The following ZNF329 variants were observed in gnomAD, a reference collection of about 807,000 sequenced individuals.
ZNF329 encodes the protein zinc finger protein 329.
In ZNF329, 15 loss-of-function variants were observed where a neutral mutation model predicts 26.6. The observed-to-expected ratio is 0.56, with a 90% confidence interval of 0.38 to 0.87. ZNF329 has a LOEUF of 0.87. ZNF329 is among the 40% of genes least tolerant of loss of function. The pLI, the probability that ZNF329 is intolerant of heterozygous loss-of-function variation, is 0.00. For missense variants in ZNF329, 651 were observed against 651.9 expected (o/e 1.00, Z 0.02); for synonymous variants, 239 against 233.5 (o/e 1.02, Z -0.21).
chr19:58,129,685 C>A (rs561778405), intron 3 of ZNF329, among the ~76,000 whole-genome samples, 174 bp from the exon 4 acceptor site: 1 of 152,134 alleles, frequency 6.6e-6, no homozygotes, highest in Non-Finnish European at 1.5e-5. Flanking sequence ...GAACCAAGAA[C>A]AGATTCAAAA....
rs1422860366 is a variant in ZNF329 at position 58,130,305 on chromosome 19, AGAGT to A, written c.-8-798_-8-795del. Among the ~76,000 whole-genome samples the A allele has an allele frequency of 3.9e-5, 6 of 152,208 alleles. No individual in the cohort carries two copies. In the East Asian group the frequency reaches 7.7e-4, roughly 20 times the overall value. ...ACCACTGCACTCCAGCCTACGCGGC[AGAGT>A]GAGACTCCATCTCAAAAAACAAAAC... On this transcript the variant is annotated intron_variant, in intron 3 of 3. Coordinates refer to ENST00000598312, the MANE Select transcript of ZNF329 (RefSeq NM_024620.4).
In ZNF329 at chr19:58,143,136, C is replaced by T. The variant is rs1489515564; in HGVS notation, c.-145G>A. On this transcript the variant is annotated 5_prime_UTR_variant, in exon 2 of 4. Transcript: ENST00000598312. ...TCCCAGCTACTTGGTAGCCCAGGAG[C>T]TCAAGGCTGCAGTGAGCTGTGATCG... The T allele has an allele frequency of 6.6e-6, 1 of 152,262 alleles. No individual in the cohort carries two copies. The highest frequency in any genetic ancestry group is 2.4e-5 in the African/African-American group (1 of 41,430). The allele number at this position is 152,262 out of a possible 1,614,324, so 9.4% of individuals were successfully genotyped here.
intron 1 of ZNF329, among the ~76,000 whole-genome samples, chr19:58,143,401 T>C (rs2075229968): frequency 6.6e-6 from 1 of 152,144 alleles, no homozygotes; most frequent in African/African-American, 2.4e-5. Flanking sequence ...AGCAAATCTC[T>C]GGAATAATTT....
intron 3 of ZNF329, among the ~76,000 whole-genome samples, chr19:58,142,148 C>T (rs1042808247): frequency 6.6e-6 from 1 of 152,114 alleles, no homozygotes; most frequent in Non-Finnish European, 1.5e-5. Context: ...CCACATACTG[C>T]AGGCTATTTA....
At position 58,128,992 on chromosome 19, in the gene ZNF329, C is replaced by A; in HGVS notation, c.512G>T (p.Gly171Val). 1 of 1,612,796 alleles carries A rather than the reference C, an allele frequency of 6.2e-7. No homozygotes were observed. The highest frequency in any genetic ancestry group is 8.5e-7 in the Non-Finnish European group (1 of 1,179,284). The change falls in exon 4 of 4, where the codon GGC (glycine) becomes GTC (valine). Residue 171 changes from glycine (G) to valine (V), a missense_variant. Gly to Val is a moderately radical substitution (Grantham distance 109). Coordinates refer to ENST00000598312, the MANE Select transcript of ZNF329 (RefSeq NM_024620.4). ...SLGHQKIMKR[G>V]KKSYEGKNFE... is the part of the protein sequence containing the mutation. The stretch of plus-strand genomic sequence containing the variant: ...ATTCTTACCTTCATACGATTTCTTG[C>A]CTCTTTTCATTATTTTCTGATGACC...
intron 1 of ZNF329, among the ~76,000 whole-genome samples, chr19:58,147,448 G>T (rs1192594446): frequency 1.7e-4 from 23 of 136,358 alleles, no homozygotes; most frequent in Non-Finnish European, 3.6e-4. Flanking sequence ...CCGGCCAGCC[G>T]CCCCGTCCGG....
intron 3 of ZNF329, among the ~76,000 whole-genome samples, chr19:58,138,366 A>C (rs1210316126): frequency 6.6e-6 from 1 of 152,256 alleles, no homozygotes; most frequent in Non-Finnish European, 1.5e-5. Flanking sequence ...TGTGAACATC[A>C]CACCTTAAAC....
At chr19:58,130,194 A>G (rs967521892) in intron 3 of ZNF329, among the ~76,000 whole-genome samples, 2 of 151,268 alleles carry the variant, frequency 1.3e-5, no homozygotes, top group Admixed American at 6.6e-5. Flanking sequence ...GTGGTGGCAC[A>G]TGCCTGTAGT....
Position 58,129,326 on chromosome 19 carries a change from G to C in ZNF329, c.178C>G (p.Gln60Glu), listed in dbSNP as rs779510209. 21 of 1,614,090 alleles carry C rather than the reference G, an allele frequency of 1.3e-5. No homozygotes were observed. Among genetic ancestry groups the C allele is most frequent in the Non-Finnish European group, 2.5e-6 (3 of 1,180,040 alleles). ...CCAGGATATTCACAAATTGCTTCCT[G>C]AGTCCCTGGTTTCTCCAGAGTTAAA... ...SALTLEKPGT[Q>E]EAICEYPGFG... The change falls in exon 4 of 4, where the codon CAG (glutamine) becomes GAG (glutamate). Residue 60 changes from glutamine to glutamate, a missense_variant. Coordinates refer to ENST00000598312, the MANE Select transcript of ZNF329 (RefSeq NM_024620.4).
chr19:58,135,395 C>T lies in ZNF329; in HGVS notation c.-8-5884G>A, dbSNP rs114240053. On this transcript the variant is annotated intron_variant, in intron 3 of 3. Coordinates refer to ENST00000598312, the MANE Select transcript of ZNF329 (RefSeq NM_024620.4). ...AAGCAGTTCTCCTGCCTCAGCCTCC[C>T]GAGATGGGATTACAGGTGCCCACCA... Among the ~76,000 whole-genome samples the T allele has an allele frequency of 7.2e-3, 1,099 of 152,148 alleles. 7 individuals carry two copies. Among genetic ancestry groups the T allele is most frequent in the African/African-American group, 0.024 (1,002 of 41,506 alleles).
In ZNF329 at chr19:58,127,809, C is replaced by CAGATCTA. The variant is rs1165142888; in HGVS notation, c.*62_*68dup. ...TCTTTTCTACTGACCAGAGAGGAGT[C>CAGATCTA]AGATCTAAGACACGCCTCCTAAACA... On this transcript the variant is annotated 3_prime_UTR_variant, in exon 4 of 4. Transcript: ENST00000598312. 7.1e-7 allele frequency: 1 copy of CAGATCTA among 1,411,532 alleles called. No homozygotes were observed. Among genetic ancestry groups the CAGATCTA allele is most frequent in the African/African-American group, 1.4e-5 (1 of 69,394 alleles). The allele number at this position is 1,411,532 out of a possible 1,614,324, so 87.4% of individuals were successfully genotyped here. A position where few individuals can be genotyped will look rare whatever the true frequency, so the allele number is the denominator to read the frequency against.
At chr19:58,132,758 C>T (rs1035064821) in intron 3 of ZNF329, 1 of 151,350 alleles carries the variant, frequency 6.6e-6, no homozygotes, top group South Asian at 2.1e-4. Context: ...ATCTCAGAGT[C>T]AGAAAGCTGG....
chr19:58,135,598 T>A (rs2075046981), intron 3 of ZNF329, among the ~76,000 whole-genome samples: 1 of 152,006 alleles, frequency 6.6e-6, no homozygotes, highest in African/African-American at 2.4e-5. Context: ...CTTTTAGAAA[T>A]GAAAACGCAG....
chr19:58,146,675 C>G (rs955931061), intron 1 of ZNF329, among the ~76,000 whole-genome samples: 22 of 151,124 alleles, frequency 1.5e-4, no homozygotes, highest in African/African-American at 5.1e-4. Context: ...CTCAGCCTGC[C>G]GAGTGCCTGC....
intron 1 of ZNF329, among the ~76,000 whole-genome samples, chr19:58,146,422 C>T (rs914527958): frequency 9.2e-5 from 14 of 151,884 alleles, no homozygotes; most frequent in African/African-American, 2.4e-4. Flanking sequence ...TGCAGTGAGC[C>T]GAGATCGCTC....
upstream of ZNF329, chr19:58,150,904 G>A (rs973970271): frequency 4.6e-5 from 7 of 152,462 alleles, no homozygotes; most frequent in Admixed American, 2.0e-4. Flanking sequence ...GCGTGGACTT[G>A]CCTCGGGGCG....
chr19:58,144,352 ATATC>A (rs112779820), intron 1 of ZNF329, among the ~76,000 whole-genome samples: 16 of 132,456 alleles, frequency 1.2e-4, no homozygotes, highest in East Asian at 2.2e-4. Context: ...TTTTACATCT[ATATC>A]TATCTATCTA....
At position 58,145,161 on chromosome 19, in the gene ZNF329, T is replaced by A. The variant is rs1329490961; in HGVS notation, c.-207-1963A>T. 5.3e-5 allele frequency among the ~76,000 whole-genome samples: 8 copies of A among 151,394 alleles called. No individual in the cohort carries two copies. In the East Asian group the frequency reaches 5.9e-4, roughly 11 times the overall value. On this transcript the variant is annotated intron_variant, in intron 1 of 3. Coordinates refer to ENST00000598312, the MANE Select transcript of ZNF329 (RefSeq NM_024620.4). ...ACCGCGCCTGGCCATTTTTTTTTTT[T>A]AAATGTTTTGTAGAGATTGGGTCTC...
chr19:58,134,562 G>A (rs190940703), intron 3 of ZNF329, among the ~76,000 whole-genome samples: 1 of 152,322 alleles, frequency 6.6e-6, no homozygotes, highest in African/African-American at 2.4e-5. Flanking sequence ...AAACAAAGAA[G>A]GGTTTTGTGG....
Sources: gnomAD v4.1 joint callset for allele counts (sites outside exome capture counted in the v4.1 genomes callset) on GRCh38, gnomAD v4.1.1 for gene constraint, MANE v1.5 for transcripts, NCBI Gene and HGNC (gene_info 2026-07-23, HGNC 2026-07-21) for gene names.